The following FGF18 variants were observed in gnomAD, a reference collection of about 807,000 sequenced individuals.
FGF18 encodes fibroblast growth factor 18.
In FGF18, 5 loss-of-function variants were observed where a neutral mutation model predicts 23.0. The observed-to-expected ratio is 0.22, with a 90% CI of 0.11 to 0.46. The LOEUF is 0.46. Ranked by LOEUF, FGF18 falls within the 20% of genes least tolerant of loss-of-function variation. The pLI, the probability that FGF18 is intolerant of heterozygous loss-of-function variation, is 0.99. For missense variants in FGF18, 180 were observed against 291.6 expected (o/e 0.62, Z 2.79); for synonymous variants, 117 against 118.9 (o/e 0.98, Z 0.10).
chr5:171,445,717 T>TG, intron 3 of FGF18, among the ~76,000 whole-genome samples: 1 of 151,904 alleles, frequency 6.6e-6, no homozygotes, highest in Non-Finnish European at 1.5e-5. Context: ...GAGAGATGGA[T>TG]GGGGGTGAGA....
intron 2 of FGF18, among the ~76,000 whole-genome samples, chr5:171,430,758 G>A (rs1170624477): frequency 4.1e-4 from 55 of 132,988 alleles, no homozygotes; most frequent in Non-Finnish European, 7.1e-4. Context: ...ACTGCAGTCC[G>A]TAGTCCGGCC....
chr5:171,450,760 G>C (rs971657960), intron 4 of FGF18, among the ~76,000 whole-genome samples: 1 of 152,030 alleles, frequency 6.6e-6, no homozygotes, highest in Non-Finnish European at 1.5e-5. Context: ...GCGGGCGCCG[G>C]GTCCCCCTAG....
Position 171,436,125 on chromosome 5 carries a change from C to T in FGF18, c.102C>T (p.Arg34=). 2 of 1,575,018 alleles carry T rather than the reference C, an allele frequency of 1.3e-6. No homozygotes were observed. The highest frequency in any genetic ancestry group is 1.1e-5 in the South Asian group (1 of 87,300). The change falls in exon 3 of 5, where the codon CGC becomes CGT. Residue 34 remains arginine, a synonymous_variant. Coordinates refer to ENST00000274625, the MANE Select transcript of FGF18 (RefSeq NM_003862.3). This position sits in a 1 kb window ranked among gnomAD's most constrained non-coding sequence, Gnocchi z 4.4. ...VLVAEENVDF[R]IHVENQTRAR... Reference sequence around the variant, plus strand: ...TTGCCGAGGAGAACGTGGACTTCCGCATCCACGTGGAGAACCAGACGCGGG... The same window carrying T: ...TTGCCGAGGAGAACGTGGACTTCCGTATCCACGTGGAGAACCAGACGCGGG...
At chr5:171,442,847 A>G (rs1044082136) in intron 3 of FGF18, among the ~76,000 whole-genome samples, 6 of 152,136 alleles carry the variant, frequency 3.9e-5, no homozygotes, top group Non-Finnish European at 8.8e-5. Flanking sequence ...TAGTCAACCA[A>G]TCAATCAGTC....
Position 171,440,687 on chromosome 5 carries a change from G to A in FGF18, c.250+4414G>A, listed in dbSNP as rs1772328782. On this transcript the variant is annotated intron_variant, in intron 3 of 4. Transcript: ENST00000274625. The surrounding 1 kb of genome is among the most constrained non-coding windows in gnomAD (Gnocchi z 4.0). Reference sequence around the variant, plus strand: ...CTCGGTTTCCCCACCTGTAATGTGGGTGGGGTAAAGGGTGTGCAGCTGGTA... The same window carrying A: ...CTCGGTTTCCCCACCTGTAATGTGGATGGGGTAAAGGGTGTGCAGCTGGTA... Among the ~76,000 whole-genome samples, 1 of 152,156 alleles carries A rather than the reference G, an allele frequency of 6.6e-6. No homozygotes were observed. The highest frequency in any genetic ancestry group is 2.4e-5 in the African/African-American group (1 of 41,430).
At chr5:171,439,555 G>A (rs1273314870) in intron 3 of FGF18, among the ~76,000 whole-genome samples, 1 of 152,252 alleles carries the variant, frequency 6.6e-6, no homozygotes, top group African/African-American at 2.4e-5. Context: ...CACTGGAACA[G>A]GAAGCAGGAC....
Position 171,420,508 on chromosome 5 carries a change from C to A in FGF18, c.69+65C>A, listed in dbSNP as rs1367489469. On this transcript the variant is annotated intron_variant, in intron 2 of 4. Coordinates refer to ENST00000274625, the MANE Select transcript of FGF18 (RefSeq NM_003862.3). The stretch of plus-strand genomic sequence containing the variant: ...CTCGCGGTACACGCCGACCCCCCTT[C>A]CCCGGCCGCGCCCCCTCCCTGTGCC... The A allele has an allele frequency of 6.1e-6, 9 of 1,478,424 alleles. No homozygotes were observed. In the African/African-American group the frequency reaches 6.9e-5, roughly 11 times the overall value. The allele number at this position is 1,478,424 out of a possible 1,614,324, so 91.6% of individuals were successfully genotyped here.
chr5:171,435,942 G>T (rs1027906754), intron 2 of FGF18, 151 bp from the exon 3 acceptor site: 3 of 541,480 alleles, frequency 5.5e-6, no homozygotes, highest in Non-Finnish European at 8.8e-6. Context: ...TTGAATGGGG[G>T]TAGTGAGGGG....
At chr5:171,423,538 C>T (rs1772051706) in intron 2 of FGF18, among the ~76,000 whole-genome samples, 1 of 151,826 alleles carries the variant, frequency 6.6e-6, no homozygotes, top group Admixed American at 6.6e-5. Context: ...GGCCTCTTGT[C>T]CCTCCTGCCA....
intron 3 of FGF18, among the ~76,000 whole-genome samples, chr5:171,447,409 G>A (rs1772434610): frequency 6.6e-6 from 1 of 152,264 alleles, no homozygotes; most frequent in Non-Finnish European, 1.5e-5. Context: ...GACTTAAGGG[G>A]AACAAGGAGG....
intron 2 of FGF18, 75 bp downstream of exon 2, chr5:171,420,518 GC>G (rs1243188435): frequency 7.0e-7 from 1 of 1,419,392 alleles, no homozygotes; most frequent in Non-Finnish European, 9.9e-7. Flanking sequence ...CCCCGGCCGC[GC>G]CCCCTCCCTG....
intron 2 of FGF18, among the ~76,000 whole-genome samples, chr5:171,423,793 T>TC (rs1561883539): frequency 1.4e-5 from 2 of 144,144 alleles, no homozygotes; most frequent in Non-Finnish European, 3.0e-5. Flanking sequence ...TTTTTTTTTT[T>TC]TTTTGTGCTC....
intron 4 of FGF18, 116 bp downstream of exon 4, chr5:171,449,369 G>T (rs186978754): frequency 1.6e-5 from 7 of 438,820 alleles, no homozygotes; most frequent in African/African-American, 1.3e-4. Flanking sequence ...CCGTGTGTGT[G>T]TGTGTGTGTG....
intron 2 of FGF18, among the ~76,000 whole-genome samples, chr5:171,422,886 C>CT (rs1348252775): frequency 6.6e-6 from 1 of 152,176 alleles, no homozygotes; most frequent in African/African-American, 2.4e-5. Flanking sequence ...TCCCCAGAGT[C>CT]TTAGCTGCAT....
chr5:171,422,424 G>C (rs76178346), intron 2 of FGF18, among the ~76,000 whole-genome samples: 2,546 of 152,222 alleles, frequency 0.017, 72 homozygotes, highest in African/African-American at 0.058. Flanking sequence ...ATGTACCCTT[G>C]GAGTGTCAAA....
chr5:171,451,186 G>C lies in FGF18; in HGVS notation c.357+1933G>C, dbSNP rs553085967. Among the ~76,000 whole-genome samples the C allele has an allele frequency of 6.6e-6, 1 of 151,908 alleles. No homozygotes were observed. The highest frequency in any genetic ancestry group is 1.9e-4 in the East Asian group (1 of 5,134). ...TAATATTGGTGACGGTTCAGCTGGC[G>C]CGGCGCACCCTGGCGCAGCGGAGGG... On this transcript the variant is annotated intron_variant, in intron 4 of 4. Coordinates refer to ENST00000274625, the MANE Select transcript of FGF18 (RefSeq NM_003862.3). The surrounding 1 kb of genome is among the most constrained non-coding windows in gnomAD (Gnocchi z 4.5).
At chr5:171,422,562 A>G (rs903272527) in intron 2 of FGF18, among the ~76,000 whole-genome samples, 4 of 152,156 alleles carry the variant, frequency 2.6e-5, no homozygotes, top group Non-Finnish European at 5.9e-5. Context: ...CTAAAGATAA[A>G]GAAATGTTAT....
intron 2 of FGF18, among the ~76,000 whole-genome samples, chr5:171,429,595 G>C (rs866528928): frequency 4.6e-5 from 7 of 152,376 alleles, no homozygotes; most frequent in Admixed American, 2.6e-4. Flanking sequence ...TGGCTGGCCC[G>C]ATGCTGCTGC....
At chr5:171,448,441 A>G (rs11740426) in intron 3 of FGF18, among the ~76,000 whole-genome samples, 4,428 of 152,244 alleles carry the variant, frequency 0.029, 106 homozygotes, top group Non-Finnish European at 0.046. Flanking sequence ...GGGGCTCCAG[A>G]TGTTTGCCCT....
Sources: gnomAD v4.1 joint callset for allele counts (sites outside exome capture counted in the v4.1 genomes callset) on GRCh38, gnomAD v4.1.1 for gene constraint, Gnocchi (gnomAD v3.1) non-coding constraint, MANE v1.5 for transcripts, NCBI Gene and HGNC (gene_info 2026-07-23, HGNC 2026-07-21) for gene names.